The following HTR1D variants were observed in gnomAD, a reference collection of about 807,000 sequenced individuals.
HTR1D encodes the protein 5-hydroxytryptamine receptor 1D.
Under a neutral mutation model 21.1 loss-of-function variants are expected in HTR1D, and 18 were observed. The observed-to-expected ratio is 0.85, with a 90% CI of 0.59 to 1.27. The LOEUF is 1.27. HTR1D is among the 50% of genes most tolerant of loss of function. The pLI is 0.00. For missense variants in HTR1D, 456 were observed against 481.4 expected, an observed-to-expected ratio of 0.95 and a Z score of 0.49; for synonymous variants, 196 against 204.4, an observed-to-expected ratio of 0.96 and a Z score of 0.35.
intron 1 of HTR1D, among the ~76,000 whole-genome samples, chr1:23,198,281 G>T (rs1402230191): frequency 6.6e-6 from 1 of 150,534 alleles, no homozygotes; most frequent in East Asian, 2.0e-4. Context: ...CAGGAGAATG[G>T]CGTGAACCCA....
intron 1 of HTR1D, among the ~76,000 whole-genome samples, chr1:23,196,842 T>A (rs1259145773): frequency 6.6e-6 from 1 of 152,116 alleles, no homozygotes; most frequent in Non-Finnish European, 1.5e-5. Context: ...CTTGCCTACA[T>A]TGCCTCAGTT....
At chr1:23,208,785 C>T (rs1163757698) in intron 1 of HTR1D, among the ~76,000 whole-genome samples, 1 of 152,022 alleles carries the variant, frequency 6.6e-6, no homozygotes, top group Non-Finnish European at 1.5e-5. Context: ...TATGGCACAG[C>T]TGGGATTGAG....
At chr1:23,210,157 C>T (rs1035246190) in intron 1 of HTR1D, among the ~76,000 whole-genome samples, 10 of 152,136 alleles carry the variant, frequency 6.6e-5, no homozygotes, top group African/African-American at 2.4e-4. Flanking sequence ...GATCTCGGCT[C>T]ACTGCAATCT....
At chr1:23,213,692 A>G (rs1396419861) in intron 1 of HTR1D, among the ~76,000 whole-genome samples, 1 of 151,886 alleles carries the variant, frequency 6.6e-6, no homozygotes, top group East Asian at 1.9e-4. Context: ...CCTTTCATAC[A>G]TATCTGTTGT....
chr1:23,212,849 G>A (rs527610759), intron 1 of HTR1D, among the ~76,000 whole-genome samples: 5 of 150,166 alleles, frequency 3.3e-5, no homozygotes, highest in Non-Finnish European at 5.9e-5. Flanking sequence ...TTCTTAAGAC[G>A]GGAGTCTCAC....
At chr1:23,207,432 AAAC>A (rs1644736236) in intron 1 of HTR1D, among the ~76,000 whole-genome samples, 1 of 152,262 alleles carries the variant, frequency 6.6e-6, no homozygotes, top group Non-Finnish European at 1.5e-5. Flanking sequence ...AATCTGTTAA[AAAC>A]AACAACAGAT....
chr1:23,204,905 G>T (rs2148241520), intron 1 of HTR1D, among the ~76,000 whole-genome samples: 1 of 152,310 alleles, frequency 6.6e-6, no homozygotes. Flanking sequence ...TATCTATCCA[G>T]AGGAAAAGAA....
At chr1:23,203,134 A>G (rs1644716304) in intron 1 of HTR1D, among the ~76,000 whole-genome samples, 1 of 152,048 alleles carries the variant, frequency 6.6e-6, no homozygotes, top group South Asian at 2.1e-4. Context: ...TACTGACCTC[A>G]GGTGATCCCC....
intron 1 of HTR1D, among the ~76,000 whole-genome samples, chr1:23,208,939 C>T (rs1183853661): frequency 1.3e-5 from 2 of 151,020 alleles, no homozygotes; most frequent in Admixed American, 1.3e-4. Flanking sequence ...GTATTAGTTA[C>T]ATGTTGAAAT....
At chr1:23,210,583 G>A (rs543486018) in intron 1 of HTR1D, among the ~76,000 whole-genome samples, 61 of 152,212 alleles carry the variant, frequency 4.0e-4, no homozygotes, top group Non-Finnish European at 7.4e-4. Context: ...AGGTAACACA[G>A]TGTGTTACAG....
intron 1 of HTR1D, among the ~76,000 whole-genome samples, chr1:23,200,366 T>A (rs1557722516): frequency 6.6e-6 from 1 of 152,196 alleles, no homozygotes; most frequent in Non-Finnish European, 1.5e-5. Context: ...CAGCTCCCAA[T>A]TCCTACTGCT....
At chr1:23,199,441 TTTTTTTTTTTTTAGAGAG>T (rs1644701879) in intron 1 of HTR1D, among the ~76,000 whole-genome samples, 1 of 80,818 alleles carries the variant, frequency 1.2e-5, no homozygotes, top group African/African-American at 5.7e-5. Flanking sequence ...TTTTTTTTTT[TTTTTTTTTTTTTAGAGAG>T]AGGGTCTTGC....
intron 1 of HTR1D, among the ~76,000 whole-genome samples, chr1:23,214,512 C>T (rs1299828162): frequency 6.6e-6 from 1 of 152,094 alleles, no homozygotes; most frequent in East Asian, 1.9e-4. Context: ...ACTCCCATGG[C>T]TTACAAGGCC....
chr1:23,199,798 C>T (rs1056937929), intron 1 of HTR1D, among the ~76,000 whole-genome samples: 4 of 151,652 alleles, frequency 2.6e-5, no homozygotes, highest in East Asian at 3.9e-4. Context: ...CTCCGCCTTC[C>T]GGGTTCAAGT....
rs1356447150 is a variant in HTR1D, at chr1:23,192,744, G to C, written c.*342C>G. 1.2e-5 allele frequency: 2 copies of C among 170,654 alleles called. No individual in the cohort carries two copies. The highest frequency in any genetic ancestry group is 4.8e-5 in the African/African-American group (2 of 41,632). The allele number at this position is 170,654 out of a possible 1,614,324, so 10.6% of individuals were successfully genotyped here. On this transcript the variant is annotated 3_prime_UTR_variant, in exon 2 of 2. Coordinates refer to ENST00000374619, the MANE Select transcript of HTR1D (RefSeq NM_000864.5). ...AGTCCCAGCTACTCTGGAGGCTGAGGCAGAATCTCTTGAACCCGGGATGCG... is the reference window on the plus strand; with the variant it reads ...AGTCCCAGCTACTCTGGAGGCTGAGCCAGAATCTCTTGAACCCGGGATGCG...
intron 1 of HTR1D, among the ~76,000 whole-genome samples, chr1:23,204,932 G>C (rs1489730332): frequency 6.6e-6 from 1 of 152,284 alleles, no homozygotes; most frequent in Admixed American, 6.5e-5. Context: ...ATACAAAAAA[G>C]ATACTTGCAC....
chr1:23,215,826 C>T (rs969825903), intron 1 of HTR1D, among the ~76,000 whole-genome samples: 3 of 152,242 alleles, frequency 2.0e-5, no homozygotes, highest in Admixed American at 2.0e-4. Flanking sequence ...GAGACATGAT[C>T]TCCATCCCCC....
At chr1:23,196,210 C>A in intron 1 of HTR1D, among the ~76,000 whole-genome samples, 1 of 151,944 alleles carries the variant, frequency 6.6e-6, no homozygotes, top group East Asian at 1.9e-4. Context: ...TTTGGGAGGC[C>A]GAGGTGGGTG....
rs753932550 is a variant in HTR1D, at chr1:23,193,422, G to A, written c.798C>T (p.His266=). 3 of 1,614,242 alleles carry A rather than the reference G, an allele frequency of 1.9e-6. No individual in the cohort carries two copies. Among genetic ancestry groups the A allele is most frequent in the Non-Finnish European group, 2.5e-6 (3 of 1,180,036 alleles). ...TGAAAAAGAGAGGGGAGCCAGCCGAGTGCGAGTGCCCCTCATGGAGGCTGG... is the reference window on the plus strand; with the variant it reads ...TGAAAAAGAGAGGGGAGCCAGCCGAATGCGAGTGCCCCTCATGGAGGCTGG... ...LNSSLHEGHS[H]SAGSPLFFNH... Residue 266 remains histidine, a synonymous_variant, in exon 2 of 2, where the codon CAC becomes CAT. Coordinates refer to ENST00000374619, the MANE Select transcript of HTR1D (RefSeq NM_000864.5).
Sources: gnomAD v4.1 joint callset for allele counts (sites outside exome capture counted in the v4.1 genomes callset) on GRCh38, gnomAD v4.1.1 for gene constraint, MANE v1.5 for transcripts, NCBI Gene and HGNC (gene_info 2026-07-23, HGNC 2026-07-21) for gene names.